CDV3: variants seen among roughly 807,000 people sequenced by gnomAD.
CDV3 encodes CDV3 homolog, also known as protein CDV3 homolog.
In CDV3, 14 loss-of-function variants were observed where a neutral mutation model predicts 24.5. The observed-to-expected ratio is 0.57, with a 90% CI of 0.38 to 0.89. The LOEUF is 0.89. CDV3 is among the 40% of genes least tolerant of loss of function. The pLI is 0.00. For synonymous variants in CDV3, 114 were observed against 114.1 expected, an observed-to-expected ratio of 1.00 and a Z score of 0.00; for missense variants, 304 against 310.2, an observed-to-expected ratio of 0.98 and a Z score of 0.15.
rs1933837534 is a variant in CDV3, at chr3:133,588,562, A to G, written c.*516A>G. On this transcript the variant is annotated 3_prime_UTR_variant, in exon 5 of 5. Transcript: ENST00000264993. Reference sequence around the variant, plus strand: ...GCTGTAAAAGATGAAGATTTAAGTGACCTTAATTAACCTGTCCTGTGCCCT... The same window carrying G: ...GCTGTAAAAGATGAAGATTTAAGTGGCCTTAATTAACCTGTCCTGTGCCCT... 1 of 617,850 alleles carries G rather than the reference A, an allele frequency of 1.6e-6. No homozygotes were observed. The highest frequency in any genetic ancestry group is 2.9e-6 in the Non-Finnish European group (1 of 350,452). The allele number at this position is 617,850 out of a possible 1,614,324, so 38.3% of individuals were successfully genotyped here.
In CDV3 at chr3:133,574,251, G is replaced by GGGCCCAGGGGCCGCC. The variant is rs2074713115; in HGVS notation, c.208_222dup (p.Gly70_Ala74dup). On this transcript the variant is annotated inframe_insertion, in exon 1 of 5. Coordinates refer to ENST00000264993, the MANE Select transcript of CDV3 (RefSeq NM_017548.5). ...GCGGGACCGCCAGCGCGGGGGCTGC[G>GGGCCCAGGGGCCGCC]GGCCCAGGGGCCGCCACCAAGGCTG... 28 of 989,336 alleles carry GGGCCCAGGGGCCGCC rather than the reference G, an allele frequency of 2.8e-5. No individual in the cohort carries two copies. The highest frequency in any genetic ancestry group is 3.2e-5 in the Non-Finnish European group (27 of 833,314). The allele number at this position is 989,336 out of a possible 1,614,324, so 61.3% of individuals were successfully genotyped here.
intron 3 of CDV3, 41 bp from the exon 4 acceptor site, chr3:133,586,522 G>A: frequency 2.0e-6 from 2 of 1,020,884 alleles, no homozygotes; most frequent in South Asian, 2.8e-5. Context: ...AAAATGCTGA[G>A]CATTTAAATA....
chr3:133,574,586 T>A (rs1047813187), intron 1 of CDV3: 13 of 992,076 alleles, frequency 1.3e-5, no homozygotes, highest in Non-Finnish European at 1.6e-5. Flanking sequence ...AGAGCAGCGT[T>A]TATCGGGTGA....
intron 2 of CDV3, 27 bp from the exon 3 acceptor site, chr3:133,583,975 A>G (rs763439625): frequency 6.4e-7 from 1 of 1,569,602 alleles, no homozygotes; most frequent in Non-Finnish European, 8.7e-7. Context: ...GTGATTCCTT[A>G]ATGAATTTAC....
chr3:133,577,081 C>T (rs1052414218), intron 2 of CDV3, among the ~76,000 whole-genome samples: 12 of 151,648 alleles, frequency 7.9e-5, no homozygotes, highest in Non-Finnish European at 1.5e-4. Flanking sequence ...CTCCTGACCT[C>T]GTGATCCGCC....
chr3:133,574,823 A>T, intron 1 of CDV3: 1 of 800,014 alleles, frequency 1.2e-6, no homozygotes, highest in Non-Finnish European at 1.7e-6. Flanking sequence ...AACAGCTCCC[A>T]TGCAGGAACC....
chr3:133,587,392 G>A (rs1576661505), intron 4 of CDV3: 1 of 1,208,124 alleles, frequency 8.3e-7, no homozygotes, highest in Non-Finnish European at 1.0e-6. Context: ...CCTCTGCTCT[G>A]TCTTAAAAAA....
chr3:133,574,211 C>A lies in CDV3; in HGVS notation c.167C>A (p.Thr56Asn). ...GAAGGGAGAG[T>N]RPGDGGTASA... The stretch of plus-strand genomic sequence containing the variant: ...GCGGGCGGCGGGGCGGGCGCGGGGA[C>A]CCGGCCGGGTGACGGCGGGACCGCC... The change falls in exon 1 of 5, where the codon ACC becomes AAC. Residue 56 changes from threonine to asparagine, a missense_variant. This residue lies in a region of CDV3 where 219 missense variants were observed against 203.6 expected (regional missense o/e 1.08). Transcript: ENST00000264993. 3 of 1,009,720 alleles carry A rather than the reference C, an allele frequency of 3.0e-6. No individual in the cohort carries two copies. The highest frequency in any genetic ancestry group is 8.9e-5 in the South Asian group (2 of 22,448). The allele number at this position is 1,009,720 out of a possible 1,614,324, so 62.5% of individuals were successfully genotyped here.
chr3:133,574,433 CGGGCT>C, intron 1 of CDV3, 149 bp downstream of exon 1: 1 of 984,812 alleles, frequency 1.0e-6, no homozygotes, highest in Non-Finnish European at 1.2e-6. Context: ...CTCTCCACCT[CGGGCT>C]GGGCTCGCCA....
At chr3:133,574,489 T>TC (rs2107686485) in intron 1 of CDV3, 1 of 986,082 alleles carries the variant, frequency 1.0e-6, no homozygotes, top group African/African-American at 1.7e-5. Context: ...GAGCCGCCCT[T>TC]CCCACCCCGC....
intron 4 of CDV3, 76 bp downstream of exon 4, chr3:133,586,798 A>C (rs1408594549): frequency 2.2e-5 from 19 of 854,822 alleles, no homozygotes; most frequent in Non-Finnish European, 3.1e-5. Flanking sequence ...GGGGATGTGC[A>C]TACCCACCCA....
In CDV3 at chr3:133,588,440, T is replaced by A; in HGVS notation, c.*394T>A. ...GGATCACAACTTCTGGATAAGAAGATTACAACTATTAAGTGTCGATGTGAA... is the reference window on the plus strand; with the variant it reads ...GGATCACAACTTCTGGATAAGAAGAATACAACTATTAAGTGTCGATGTGAA... On this transcript the variant is annotated 3_prime_UTR_variant, in exon 5 of 5. Transcript: ENST00000264993. 7.3e-7 allele frequency: 1 copy of A among 1,363,696 alleles called. No individual in the cohort carries two copies. The highest frequency in any genetic ancestry group is 1.2e-5 in the South Asian group (1 of 80,124). The allele number at this position is 1,363,696 out of a possible 1,614,324, so 84.5% of individuals were successfully genotyped here. A position where few individuals can be genotyped will look rare whatever the true frequency, so the allele number is the denominator to read the frequency against.
chr3:133,588,424 C>G lies in CDV3; in HGVS notation c.*378C>G. 2 of 1,459,130 alleles carry G rather than the reference C, an allele frequency of 1.4e-6. No homozygotes were observed. The highest frequency in any genetic ancestry group is 1.9e-6 in the Non-Finnish European group (2 of 1,077,270). 90.4% of individuals were successfully genotyped at this position (1,459,130 alleles called of 1,614,324 possible). A position where few individuals can be genotyped will look rare whatever the true frequency, so the allele number is the denominator to read the frequency against. On this transcript the variant is annotated 3_prime_UTR_variant, in exon 5 of 5. Transcript: ENST00000264993. The stretch of plus-strand genomic sequence containing the variant: ...ATTGTGGACTTCATGTGGATCACAA[C>G]TTCTGGATAAGAAGATTACAACTAT...
In CDV3 at chr3:133,573,985, G is replaced by C; in HGVS notation, c.-60G>C. 1 of 1,011,518 alleles carries C rather than the reference G, an allele frequency of 9.9e-7. No individual in the cohort carries two copies. The highest frequency in any genetic ancestry group is 1.2e-6 in the Non-Finnish European group (1 of 847,998). 62.7% of individuals were successfully genotyped at this position (1,011,518 alleles called of 1,614,324 possible). A position where few individuals can be genotyped will look rare whatever the true frequency, so the allele number is the denominator to read the frequency against. Reference sequence around the variant, plus strand: ...AGAGCCGGCCTCGACCCCGAGCTCGGAGCCCCGCGGGCCGCGCCCGCCGCC... The same window carrying C: ...AGAGCCGGCCTCGACCCCGAGCTCGCAGCCCCGCGGGCCGCGCCCGCCGCC... On this transcript the variant is annotated 5_prime_UTR_variant, in exon 1 of 5. Transcript: ENST00000264993.
rs1310441240 is a variant in CDV3 at position 133,586,611 on chromosome 3, C to T, written c.515C>T (p.Pro172Leu). 1 of 1,599,908 alleles carries T rather than the reference C, an allele frequency of 6.3e-7. No individual in the cohort carries two copies. Among genetic ancestry groups the T allele is most frequent in the Non-Finnish European group, 8.6e-7 (1 of 1,167,154 alleles). Residue 172 changes from proline (P) to leucine (L), a missense_variant, in exon 4 of 5, where the codon CCT (proline) becomes CTT (leucine). Around this residue, in one of 3 missense-constraint regions of CDV3, gnomAD observed 29 missense variants for 55.8 expected, o/e 0.52. Coordinates refer to ENST00000264993, the MANE Select transcript of CDV3 (RefSeq NM_017548.5). The stretch of plus-strand genomic sequence containing the variant: ...ATGACTAGTGGTGTGTATAGGCCTC[C>T]TGGGGCCAGGTTAACCACAACAAGG... ...PAMTSGVYRP[P>L]GARLTTTRKT...
rs749972441 is a variant in CDV3, at chr3:133,588,396, C to T, written c.*350C>T. The T allele has an allele frequency of 5.1e-5, 78 of 1,531,946 alleles. No homozygotes were observed. Among genetic ancestry groups the T allele is most frequent in the Non-Finnish European group, 6.2e-5 (71 of 1,143,326 alleles). 94.9% of individuals were successfully genotyped at this position (1,531,946 alleles called of 1,614,324 possible). A position where few individuals can be genotyped will look rare whatever the true frequency, so the allele number is the denominator to read the frequency against. ...GGTTGACTACCTCAGATTTGCTGCA[C>T]TCATTGTGGACTTCATGTGGATCAC... On this transcript the variant is annotated 3_prime_UTR_variant, in exon 5 of 5. Coordinates refer to ENST00000264993, the MANE Select transcript of CDV3 (RefSeq NM_017548.5).
rs1420730024 is a variant in CDV3 at position 133,588,677 on chromosome 3, C to G, written c.*631C>G. The G allele has an allele frequency of 6.1e-5, 20 of 328,272 alleles. No homozygotes were observed. The highest frequency in any genetic ancestry group is 1.1e-4 in the Non-Finnish European group (19 of 180,792). 20.3% of individuals were successfully genotyped at this position (328,272 alleles called of 1,614,324 possible). A position where few individuals can be genotyped will look rare whatever the true frequency, so the allele number is the denominator to read the frequency against. On this transcript the variant is annotated 3_prime_UTR_variant, in exon 5 of 5. Coordinates refer to ENST00000264993, the MANE Select transcript of CDV3 (RefSeq NM_017548.5). ...AAAAGAACTGATGTGTTCAGATCAT[C>G]TGTGTAGGGCTGTGATTTGTAATTT... is the stretch of plus-strand genomic sequence containing the variant.
intron 2 of CDV3, among the ~76,000 whole-genome samples, chr3:133,576,466 T>C (rs112105903): frequency 0.014 from 2,074 of 152,320 alleles, 37 homozygotes; most frequent in African/African-American, 0.048. Flanking sequence ...AGTTTGGCTC[T>C]TCTTAAGTCT....
At chr3:133,585,067 A>G (rs866050299) in intron 3 of CDV3, among the ~76,000 whole-genome samples, 1 of 152,046 alleles carries the variant, frequency 6.6e-6, no homozygotes, top group African/African-American at 2.4e-5. Context: ...TTATTTTTAT[A>G]TTTTTTAGAG....
Sources: allele counts gnomAD v4.1 joint callset (sites outside exome capture counted in the v4.1 genomes callset), GRCh38; gene constraint gnomAD v4.1.1; regional missense constraint gnomAD v4.1.1; transcripts MANE v1.5; gene names NCBI Gene and HGNC (gene_info 2026-07-23, HGNC 2026-07-21).